PVT1: variants seen among roughly 807,000 people sequenced by gnomAD.
PVT1 encodes CXCR4/PVT1 fusion.
chr8:127,979,875 G>A (rs541495746), intron 3 of PVT1, among the ~76,000 whole-genome samples: 2 of 144,600 alleles, frequency 1.4e-5, no homozygotes, highest in African/African-American at 4.9e-5. Context: ...TTGTTTTTTT[G>A]TTGTGGTGGT....
At chr8:127,829,156 A>T (rs1170690325) in intron 2 of PVT1, among the ~76,000 whole-genome samples, 1 of 152,188 alleles carries the variant, frequency 6.6e-6, no homozygotes, top group Non-Finnish European at 1.5e-5. Context: ...AGGTGCCTGT[A>T]ATCCCAGCTA....
chr8:127,805,872 G>A (rs983742100), intron 2 of PVT1, among the ~76,000 whole-genome samples: 3 of 152,066 alleles, frequency 2.0e-5, no homozygotes, highest in Non-Finnish European at 4.4e-5. Context: ...GAGGAATCAG[G>A]ATTTGAGTGA....
intron 3 of PVT1, among the ~76,000 whole-genome samples, chr8:127,944,374 C>G (rs1816391542): frequency 6.6e-6 from 1 of 152,174 alleles, no homozygotes; most frequent in Admixed American, 6.5e-5. Flanking sequence ...GCCCCAGGTT[C>G]AATTTCTGGT....
intron 2 of PVT1, among the ~76,000 whole-genome samples, chr8:127,878,581 C>T (rs951479418): frequency 6.6e-6 from 1 of 152,182 alleles, no homozygotes; most frequent in Non-Finnish European, 1.5e-5. Flanking sequence ...CCACTGTCTG[C>T]CTGTCTTCCT....
intron 2 of PVT1, among the ~76,000 whole-genome samples, chr8:127,841,194 A>G (rs139404252): frequency 0.013 from 2,002 of 152,378 alleles, 28 homozygotes; most frequent in Middle Eastern, 0.037. Flanking sequence ...ATTCCCTTTC[A>G]GCTCAGGGTT....
chr8:128,091,005 T>C (rs1438113238), intron 5 of PVT1, among the ~76,000 whole-genome samples: 1 of 152,068 alleles, frequency 6.6e-6, no homozygotes, highest in Non-Finnish European at 1.5e-5. Context: ...CTCTGTAAAA[T>C]GGGAATAATT....
intron 5 of PVT1, among the ~76,000 whole-genome samples, chr8:128,091,938 CTGT>C (rs1814360364): frequency 2.6e-5 from 4 of 152,108 alleles, no homozygotes; most frequent in South Asian, 2.1e-4. Context: ...TTGCTGAGAG[CTGT>C]CCTCATAAGA....
At chr8:127,856,916 A>C (rs1217969600) in intron 2 of PVT1, among the ~76,000 whole-genome samples, 1 of 152,100 alleles carries the variant, frequency 6.6e-6, no homozygotes, top group Non-Finnish European at 1.5e-5. Context: ...TATATTAGTT[A>C]CTGAAGCTGA....
At chr8:127,852,839 A>G (rs1815119005) in intron 2 of PVT1, among the ~76,000 whole-genome samples, 1 of 152,214 alleles carries the variant, frequency 6.6e-6, no homozygotes, top group South Asian at 2.1e-4. Context: ...GATCTGGCTT[A>G]GACAGTGGGG....
intron 4 of PVT1, among the ~76,000 whole-genome samples, chr8:128,034,745 A>G (rs1228185545): frequency 6.6e-6 from 1 of 152,200 alleles, no homozygotes; most frequent in African/African-American, 2.4e-5. Context: ...GTCTCCATAT[A>G]TACAATTTAT....
chr8:128,029,518 G>C (rs1244901406), intron 4 of PVT1, among the ~76,000 whole-genome samples: 1 of 152,166 alleles, frequency 6.6e-6, no homozygotes, highest in Non-Finnish European at 1.5e-5. Flanking sequence ...AATACTTGTT[G>C]CGGTCGGGTG....
At chr8:128,042,777 T>TATTTTATTTTATTTG (rs1372111206) in intron 4 of PVT1, among the ~76,000 whole-genome samples, 4 of 151,756 alleles carry the variant, frequency 2.6e-5, no homozygotes, top group African/African-American at 9.7e-5. Flanking sequence ...TATTTTATTT[T>TATTTTATTTTATTTG]ATTTTAAGAG....
intron 4 of PVT1, among the ~76,000 whole-genome samples, chr8:128,069,707 A>T (rs1813958765): frequency 6.6e-6 from 1 of 151,760 alleles, no homozygotes; most frequent in African/African-American, 2.4e-5. Context: ...CTGCAGAGCC[A>T]CTCTTCAAAC....
intron 4 of PVT1, among the ~76,000 whole-genome samples, chr8:128,038,396 C>T (rs1044959312): frequency 7.2e-5 from 11 of 152,148 alleles, no homozygotes; most frequent in East Asian, 3.9e-4. Context: ...GTGAGGTTGC[C>T]GCGGTGAACA....
intron 3 of PVT1, among the ~76,000 whole-genome samples, chr8:127,978,781 C>T (rs766715726): frequency 2.6e-5 from 4 of 151,982 alleles, no homozygotes; most frequent in South Asian, 2.1e-4. Context: ...TCACCGCACC[C>T]GGACCATTAT....
At chr8:128,018,078 G>A (rs183333600) in intron 4 of PVT1, among the ~76,000 whole-genome samples, 212 of 152,278 alleles carry the variant, frequency 1.4e-3, no homozygotes, top group African/African-American at 4.9e-3. Context: ...TTCCAAAATA[G>A]CTTCAATCTC....
At chr8:127,806,105 A>G (rs1814523738) in intron 2 of PVT1, among the ~76,000 whole-genome samples, 2 of 152,204 alleles carry the variant, frequency 1.3e-5, no homozygotes, top group South Asian at 2.1e-4. Flanking sequence ...AAAGTCAACA[A>G]CAAAAAGACA....
intron 3 of PVT1, among the ~76,000 whole-genome samples, chr8:127,984,749 G>A (rs1046035492): frequency 6.6e-6 from 1 of 152,148 alleles, no homozygotes; most frequent in African/African-American, 2.4e-5. Flanking sequence ...TGGGATTACA[G>A]GCATACGCCA....
At chr8:127,866,812 G>A (rs1167399775) in intron 2 of PVT1, among the ~76,000 whole-genome samples, 2 of 152,182 alleles carry the variant, frequency 1.3e-5, no homozygotes, top group African/African-American at 2.4e-5. Flanking sequence ...CCGAGACCTA[G>A]GCAGATCTTG....
Sources: allele counts gnomAD v4.1 joint callset (sites outside exome capture counted in the v4.1 genomes callset), GRCh38; gene constraint gnomAD v4.1.1; transcripts MANE v1.5; gene names NCBI Gene and HGNC (gene_info 2026-07-23, HGNC 2026-07-21).